Variants in CACNA2D1 observed in about 807,000 individuals in gnomAD.
The protein encoded by CACNA2D1 is voltage-dependent calcium channel subunit alpha-2/delta-1.
CACNA2D1 carries 53 observed loss-of-function variants against 171.5 expected under a neutral mutation model. The observed-to-expected ratio is 0.31, with a 90% CI of 0.25 to 0.39. The LOEUF (loss-of-function observed/expected upper bound fraction) is 0.39, where lower values mean the gene tolerates loss of function less well. Among genes scored for constraint, CACNA2D1 ranks in the 10% least tolerant of loss-of-function variants. The pLI is 1.00. For synonymous variants in CACNA2D1, 442 were observed against 443.1 expected, an observed-to-expected ratio of 1.00 and a Z score of 0.03; for missense variants, 903 against 1,299.8, an observed-to-expected ratio of 0.69 and a Z score of 4.69.
At chr7:82,348,222 GT>G (rs746856299) in intron 2 of CACNA2D1, among the ~76,000 whole-genome samples, 6 of 149,848 alleles carry the variant, frequency 4.0e-5, no homozygotes, top group Admixed American at 6.6e-5. Context: ...AGAAGATTTG[GT>G]GGTACTTCCA....
chr7:82,060,228 T>A (rs11977563), intron 10 of CACNA2D1, among the ~76,000 whole-genome samples, 200 bp downstream of exon 10: 1 of 69,546 alleles, frequency 1.4e-5, no homozygotes, highest in African/African-American at 4.6e-5. Context: ...ATATAATATA[T>A]ATATATAATA....
intron 3 of CACNA2D1, among the ~76,000 whole-genome samples, chr7:82,191,232 T>C (rs1798263232): frequency 6.6e-6 from 1 of 151,870 alleles, no homozygotes; most frequent in South Asian, 2.1e-4. Flanking sequence ...TATACATTTA[T>C]TGATTGTACT....
intron 3 of CACNA2D1, among the ~76,000 whole-genome samples, chr7:82,258,183 A>G (rs1277654820): frequency 6.6e-6 from 1 of 152,174 alleles, no homozygotes; most frequent in African/African-American, 2.4e-5. Flanking sequence ...TCTTACGCCT[A>G]AAGTAAATCA....
chr7:82,182,795 T>C (rs1360154242), intron 3 of CACNA2D1, among the ~76,000 whole-genome samples: 2 of 151,990 alleles, frequency 1.3e-5, no homozygotes, highest in Non-Finnish European at 2.9e-5. Flanking sequence ...CCCAGCACTT[T>C]GGGAGGATGA....
intron 1 of CACNA2D1, among the ~76,000 whole-genome samples, chr7:82,424,324 A>G (rs1828987518): frequency 6.6e-6 from 1 of 152,218 alleles, no homozygotes; most frequent in Non-Finnish European, 1.5e-5. Context: ...CACCCAGTAC[A>G]TAAGCAGTAT....
intron 1 of CACNA2D1, among the ~76,000 whole-genome samples, chr7:82,406,033 C>T (rs1459014529): frequency 6.6e-6 from 1 of 152,070 alleles, no homozygotes; most frequent in East Asian, 1.9e-4. Context: ...AATGCTATCC[C>T]TCCCCCTCCC....
At chr7:82,256,535 C>T (rs1328375054) in intron 3 of CACNA2D1, among the ~76,000 whole-genome samples, 2 of 152,044 alleles carry the variant, frequency 1.3e-5, no homozygotes, top group East Asian at 1.9e-4. Flanking sequence ...TGCATGCCTA[C>T]ATGGTGTAGG....
chr7:82,384,379 T>C lies in CACNA2D1; in HGVS notation c.96-34730A>G, dbSNP rs577357509. On this transcript the variant is annotated intron_variant, in intron 1 of 38. Coordinates refer to ENST00000356860, the MANE Select transcript of CACNA2D1 (RefSeq NM_000722.4). ...GAGAAAGACTGTTCTTTCTCCAGCA[T>C]GTGAAGACACAGCATGCAGGTAGTT... is the stretch of plus-strand genomic sequence containing the variant. Among the ~76,000 whole-genome samples the C allele has an allele frequency of 3.3e-5, 5 of 152,268 alleles. No homozygotes were observed. The East Asian group carries it at 9.7e-4, about 29-fold the overall frequency.
intron 3 of CACNA2D1, among the ~76,000 whole-genome samples, chr7:82,172,268 A>G (rs1796092793): frequency 6.6e-6 from 1 of 152,068 alleles, no homozygotes. Flanking sequence ...AAAGACAAGC[A>G]TATACATTTC....
chr7:82,200,188 G>C (rs1407864573), intron 3 of CACNA2D1, among the ~76,000 whole-genome samples: 1 of 152,048 alleles, frequency 6.6e-6, no homozygotes, highest in Admixed American at 6.6e-5. Flanking sequence ...ATTGATATCT[G>C]TTTAATACTC....
intron 2 of CACNA2D1, among the ~76,000 whole-genome samples, chr7:82,343,797 A>G (rs1818948913): frequency 6.6e-6 from 1 of 152,188 alleles, no homozygotes; most frequent in African/African-American, 2.4e-5. Context: ...ATTCATTAAA[A>G]CTAAATTTAA....
chr7:82,078,393 A>G (rs1809277259), intron 7 of CACNA2D1, among the ~76,000 whole-genome samples: 1 of 152,228 alleles, frequency 6.6e-6, no homozygotes, highest in African/African-American at 2.4e-5. Context: ...TTCAGGAGAT[A>G]TTAACAGGTG....
intron 31 of CACNA2D1, among the ~76,000 whole-genome samples, chr7:81,965,887 G>A (rs1015199626): frequency 4.0e-5 from 6 of 151,678 alleles, no homozygotes; most frequent in Admixed American, 3.3e-4. Context: ...ATCCACTTGA[G>A]ACTGTCAATT....
chr7:82,064,031 C>A (rs2128981278), intron 9 of CACNA2D1, among the ~76,000 whole-genome samples: 1 of 151,724 alleles, frequency 6.6e-6, no homozygotes, highest in Admixed American at 6.6e-5. Flanking sequence ...GAACAAGTTC[C>A]AACATTAACT....
chr7:82,235,141 T>C (rs1803408514), intron 3 of CACNA2D1, among the ~76,000 whole-genome samples: 1 of 152,124 alleles, frequency 6.6e-6, no homozygotes, highest in Non-Finnish European at 1.5e-5. Flanking sequence ...TTAAATTATG[T>C]TCTTTTTTTT....
chr7:81,975,802 T>C (rs1795779275), intron 24 of CACNA2D1, among the ~76,000 whole-genome samples: 1 of 92,350 alleles, frequency 1.1e-5, no homozygotes, highest in Non-Finnish European at 2.2e-5. Context: ...TGGGAATGAA[T>C]CATGTATACA....
chr7:82,067,315 C>T (rs982095836), intron 7 of CACNA2D1, among the ~76,000 whole-genome samples: 4 of 152,074 alleles, frequency 2.6e-5, no homozygotes, highest in Non-Finnish European at 4.4e-5. Flanking sequence ...AAGTAGTCCC[C>T]GTACTTGGAC....
intron 3 of CACNA2D1, among the ~76,000 whole-genome samples, chr7:82,245,650 T>C (rs1804816481): frequency 3.4e-5 from 2 of 59,412 alleles, no homozygotes; most frequent in Non-Finnish European, 3.2e-5. Context: ...TGTCTCTCTC[T>C]CTCTCTCTCT....
intron 6 of CACNA2D1, among the ~76,000 whole-genome samples, chr7:82,097,782 A>G (rs1812074500): frequency 1.3e-5 from 2 of 152,120 alleles, no homozygotes; most frequent in Admixed American, 1.3e-4. Flanking sequence ...AATTATCACT[A>G]AAATGACACC....
Sources: gnomAD v4.1 joint callset for allele counts (sites outside exome capture counted in the v4.1 genomes callset) on GRCh38, gnomAD v4.1.1 for gene constraint, MANE v1.5 for transcripts, NCBI Gene and HGNC (gene_info 2026-07-23, HGNC 2026-07-21) for gene names.